ATAD3B: variants seen among roughly 807,000 people sequenced by gnomAD.
ATAD3B encodes the protein ATPase family AAA domain containing 3B, also known as ATPase family AAA domain-containing protein 3B.
Under a neutral mutation model 70.2 loss-of-function variants are expected in ATAD3B, and 59 were observed. That is an observed-to-expected ratio of 0.84 (90% CI 0.68 to 1.04). The LOEUF (loss-of-function observed/expected upper bound fraction) is 1.04, where lower values mean the gene tolerates loss of function less well. Among genes scored for constraint, ATAD3B ranks in the 50% least tolerant of loss-of-function variants. ATAD3B has a pLI of 0.00. For synonymous variants in ATAD3B, 423 were observed against 388.6 expected, an observed-to-expected ratio of 1.09 and a Z score of -1.04; for missense variants, 961 against 913.4, an observed-to-expected ratio of 1.05 and a Z score of -0.67.
the ATAD3B span, among the ~76,000 whole-genome samples, chr1:1,507,896 C>T: frequency 2.0e-5 from 3 of 152,200 alleles, no homozygotes; most frequent in Non-Finnish European, 2.9e-5. Flanking sequence ...GGCCTCGCCA[C>T]GTGGTGAACG....
chr1:1,500,209 C>T (rs1416405324), downstream of ATAD3B, among the ~76,000 whole-genome samples: 2 of 144,134 alleles, frequency 1.4e-5, no homozygotes, highest in African/African-American at 5.0e-5. Context: ...ACACTGATAA[C>T]TTATAGCAAA....
At chr1:1,498,854 T>C (rs113253438), downstream of ATAD3B, among the ~76,000 whole-genome samples, 1 of 151,812 alleles carries the variant, frequency 6.6e-6, no homozygotes, top group Non-Finnish European at 1.5e-5. Flanking sequence ...GCTGCGAAAT[T>C]TACTTCTATA....
At chr1:1,505,645 G>A in the ATAD3B span, among the ~76,000 whole-genome samples, 2 of 152,144 alleles carry the variant, frequency 1.3e-5, no homozygotes, top group African/African-American at 2.4e-5. Flanking sequence ...CTAGACCAAG[G>A]AGCCCTCTGG....
chr1:1,471,792 C>T lies in ATAD3B; in HGVS notation c.-93C>T. 1 of 1,219,858 alleles carries T rather than the reference C, an allele frequency of 8.2e-7. No homozygotes were observed. Among genetic ancestry groups the T allele is most frequent in the South Asian group, 4.1e-5 (1 of 24,652 alleles). The allele number at this position is 1,219,858 out of a possible 1,614,324, so 75.6% of individuals were successfully genotyped here. On this transcript the variant is annotated 5_prime_UTR_variant, in exon 1 of 16. Coordinates refer to ENST00000673477, the MANE Select transcript of ATAD3B (RefSeq NM_031921.6). ...TTCGCCTGCGCAGTGGTCCTGGCCA[C>T]CGGCTCGCGGCGCGTGGAGGCTGCT...
At chr1:1,475,659 C>T (rs1411359119) in intron 1 of ATAD3B, among the ~76,000 whole-genome samples, 1 of 148,508 alleles carries the variant, frequency 6.7e-6, no homozygotes, top group Non-Finnish European at 1.5e-5. Context: ...CACCAGCGCT[C>T]GCCCTGCACT....
At chr1:1,476,553 C>T (rs908271026) in intron 1 of ATAD3B, among the ~76,000 whole-genome samples, 4 of 151,788 alleles carry the variant, frequency 2.6e-5, no homozygotes, top group African/African-American at 4.8e-5. Flanking sequence ...CTGTCTCCCC[C>T]GCTGGAGTGC....
intron 12 of ATAD3B, among the ~76,000 whole-genome samples, 172 bp from the exon 13 acceptor site, chr1:1,489,032 G>C (rs1297994655): frequency 2.0e-5 from 3 of 151,846 alleles, no homozygotes; most frequent in Non-Finnish European, 4.4e-5. Flanking sequence ...CAAAATGCTG[G>C]GTTACATGCT....
chr1:1,490,558 C>T lies in ATAD3B; in HGVS notation c.1506-5C>T, dbSNP rs1016956333. 2 of 1,611,140 alleles carry T rather than the reference C, an allele frequency of 1.2e-6. No homozygotes were observed. Among genetic ancestry groups the T allele is most frequent in the African/African-American group, 2.7e-5 (2 of 75,008 alleles). ...GGCTGCCTCACTTGGGAACTCCTTCCCCAGGCGCCTGAAGCTGGCCCAGTT... is the reference window on the plus strand; with the variant it reads ...GGCTGCCTCACTTGGGAACTCCTTCTCCAGGCGCCTGAAGCTGGCCCAGTT... On this transcript the variant is annotated splice_polypyrimidine_tract_variant and splice_region_variant and intron_variant, in intron 14 of 15. Transcript: ENST00000673477.
chr1:1,483,685 C>T (rs1017795117), intron 7 of ATAD3B: 1 of 151,968 alleles, frequency 6.6e-6, no homozygotes, highest in African/African-American at 2.4e-5. Context: ...CCTGTAATCC[C>T]AGTCACTCGG....
At chr1:1,503,582 AG>A in the ATAD3B span, 5 of 1,610,516 alleles carry the variant, frequency 3.1e-6, no homozygotes, top group South Asian at 5.5e-5. Flanking sequence ...CTGTGCCTGC[AG>A]GCCACATCAA....
rs778398947 is a variant in ATAD3B, at chr1:1,482,209, C to T, written c.586C>T (p.Arg196Cys). The change falls in exon 6 of 16, where the codon CGC becomes TGC. Residue 196 changes from arginine to cysteine, a missense_variant. Coordinates refer to ENST00000673477, the MANE Select transcript of ATAD3B (RefSeq NM_031921.6). Reference protein sequence around the residue: ...MLRVETEARARAKAERENADI... With the variant: ...MLRVETEARACAKAERENADI... ...GCGAGTGGAGACCGAGGCCCGGGCG[C>T]GCGCCAAGGCCGAGCGGGAGAATGC... is the stretch of plus-strand genomic sequence containing the variant. 31 of 1,610,862 alleles carry T rather than the reference C, an allele frequency of 1.9e-5. No individual in the cohort carries two copies. The highest frequency in any genetic ancestry group is 3.3e-5 in the Admixed American group (2 of 59,846).
chr1:1,489,628 AGG>A, intron 13 of ATAD3B: 1 of 1,329,406 alleles, frequency 7.5e-7, no homozygotes, highest in Non-Finnish European at 1.0e-6. Flanking sequence ...CCCTATGTCC[AGG>A]CTCCCTCTTC....
rs780593623 is a variant in ATAD3B at position 1,490,011 on chromosome 1, C to T, written c.1338-246C>T. On this transcript the variant is annotated intron_variant, in intron 13 of 15. Coordinates refer to ENST00000673477, the MANE Select transcript of ATAD3B (RefSeq NM_031921.6). Reference sequence around the variant, plus strand: ...GCCTATCAGGCTGGGCGAGGGTCAGCGGGGAAGTACCACACAGGGCAAGAA... The same window carrying T: ...GCCTATCAGGCTGGGCGAGGGTCAGTGGGGAAGTACCACACAGGGCAAGAA... 354 of 1,355,152 alleles carry T rather than the reference C, an allele frequency of 2.6e-4. 4 individuals carry two copies. The highest frequency in any genetic ancestry group is 3.1e-4 in the Non-Finnish European group (320 of 1,048,788). The allele number at this position is 1,355,152 out of a possible 1,614,324, so 83.9% of individuals were successfully genotyped here.
rs568142501 is a variant in ATAD3B, at chr1:1,490,146, C to T, written c.1338-111C>T. 91 of 1,495,564 alleles carry T rather than the reference C, an allele frequency of 6.1e-5. 2 individuals are homozygous for T. The highest frequency in any genetic ancestry group is 2.8e-4 in the Admixed American group (12 of 43,314). 92.6% of individuals were successfully genotyped at this position (1,495,564 alleles called of 1,614,324 possible). On this transcript the variant is annotated intron_variant, in intron 13 of 15. Transcript: ENST00000673477. ...CATGTTTCCTGTGCTCACAAGCTGCCGCTTTAGATTCTCCCAAAAAGTCTC... is the reference window on the plus strand; with the variant it reads ...CATGTTTCCTGTGCTCACAAGCTGCTGCTTTAGATTCTCCCAAAAAGTCTC...
At position 1,495,514 on chromosome 1, in the gene ATAD3B, C is replaced by T. The variant is rs1640739178; in HGVS notation, c.1644C>T (p.Val548=). 4 of 1,610,648 alleles carry T rather than the reference C, an allele frequency of 2.5e-6. No homozygotes were observed. The highest frequency in any genetic ancestry group is 2.2e-5 in the South Asian group (2 of 90,846). ...QATAYASKDG[V]LTEAMMDACV... ...CGGCATATGCCTCCAAGGACGGGGT[C>T]CTCACTGAGGCCATGATGGACGCCT... Residue 548 remains valine, a synonymous_variant, in exon 16 of 16, where the codon GTC becomes GTT. Transcript: ENST00000673477.
chr1:1,480,903 G>A lies in ATAD3B; in HGVS notation c.481G>A (p.Glu161Lys). The change falls in exon 5 of 16, where the codon GAG (glutamate) becomes AAG (lysine). Residue 161 changes from glutamate to lysine, a missense_variant. By Grantham distance (56) the Glu-to-Lys change is moderately conservative. This residue lies in a region of ATAD3B where 187 missense variants were observed against 244.3 expected (regional missense o/e 0.77). Transcript: ENST00000673477. Reference sequence around the variant, plus strand: ...TGAGGAGAATTTACGGAAGCAGGAGGAGTCCGTGCAGAAGCAGGAAGCCAT... The same window carrying A: ...TGAGGAGAATTTACGGAAGCAGGAGAAGTCCGTGCAGAAGCAGGAAGCCAT... ...LNEENLRKQEESVQKQEAMRR... is the reference protein window; with the variant it reads ...LNEENLRKQEKSVQKQEAMRR... 2.5e-6 allele frequency: 4 copies of A among 1,593,656 alleles called. No homozygotes were observed. The highest frequency in any genetic ancestry group is 2.2e-5 in the South Asian group (2 of 89,630).
At position 1,490,514 on chromosome 1, in the gene ATAD3B, G is replaced by T. The variant is rs754242470; in HGVS notation, c.1506-49G>T. The T allele has an allele frequency of 6.8e-6, 11 of 1,610,970 alleles. No homozygotes were observed. The African/African-American group carries it at 1.3e-4, about 20-fold the overall frequency. ...CCTGTCTTCCGGCCTCCACCTCATG[G>T]TGTGGGGTCCGCGGCCTTGGCTGCC... On this transcript the variant is annotated intron_variant, in intron 14 of 15. Transcript: ENST00000673477.
Position 1,479,779 on chromosome 1 carries a change from A to G in ATAD3B, c.444+671A>G, listed in dbSNP as rs182987422. Among the ~76,000 whole-genome samples the G allele has an allele frequency of 8.5e-4, 119 of 139,238 alleles. 16 individuals carry two copies. Among genetic ancestry groups the G allele is most frequent in the Admixed American group, 5.7e-3 (78 of 13,624 alleles). The allele number at this position is 139,238 out of a possible 152,430, so 91.3% of individuals were successfully genotyped here. ...CCCCTCTGCACACATGGGGGCTTACACACCCCCCCGCACACGTGGGCCCGC... is the reference window on the plus strand; with the variant it reads ...CCCCTCTGCACACATGGGGGCTTACGCACCCCCCCGCACACGTGGGCCCGC... On this transcript the variant is annotated intron_variant, in intron 4 of 15. Transcript: ENST00000673477.
intron 12 of ATAD3B, 116 bp downstream of exon 12, chr1:1,488,030 C>T (rs1640328585): frequency 7.2e-7 from 1 of 1,394,330 alleles, no homozygotes; most frequent in East Asian, 2.3e-5. Flanking sequence ...TCTTGGCTCG[C>T]TGCAACCTCT....
Sources: gnomAD v4.1 joint callset for allele counts (sites outside exome capture counted in the v4.1 genomes callset) on GRCh38, gnomAD v4.1.1 for gene constraint, gnomAD v4.1.1 regional missense constraint, MANE v1.5 for transcripts, NCBI Gene and HGNC (gene_info 2026-07-23, HGNC 2026-07-21) for gene names.